Variants in CRCP observed in about 807,000 individuals in gnomAD.
The protein encoded by CRCP is CGRP receptor component.
CRCP carries 18 observed loss-of-function variants against 18.5 expected under a neutral mutation model. The ratio of observed to expected loss-of-function variants is 0.97; its 90% CI spans 0.67 to 1.44. The LOEUF (loss-of-function observed/expected upper bound fraction) is 1.44. Among genes scored for constraint, CRCP ranks in the 40% most tolerant of loss-of-function variants. CRCP has a pLI of 0.00. For missense variants in CRCP, 130 were observed against 176.4 expected (o/e 0.74, Z 1.49); for synonymous variants, 53 against 62.9 (o/e 0.84, Z 0.75).
At chr7:66,117,992 G>A (rs1381902955) in intron 1 of CRCP, among the ~76,000 whole-genome samples, 5 of 151,772 alleles carry the variant, frequency 3.3e-5, no homozygotes, top group Admixed American at 6.6e-5. Flanking sequence ...TTTTTAGTTC[G>A]CTTTTGAGAT....
chr7:66,148,343 G>A (rs1358157181), intron 5 of CRCP, among the ~76,000 whole-genome samples: 1 of 152,138 alleles, frequency 6.6e-6, no homozygotes, highest in Non-Finnish European at 1.5e-5. Context: ...CTCCAGCCTG[G>A]GCGACAAGAG....
At chr7:66,138,621 TAAAAAA>T (rs34807364) in intron 4 of CRCP, among the ~76,000 whole-genome samples, 5 of 93,416 alleles carry the variant, frequency 5.4e-5, no homozygotes, top group Admixed American at 1.3e-4. Flanking sequence ...TCGTCTCTAC[TAAAAAA>T]AAAAAAAAAA....
chr7:66,145,501 G>T lies in CRCP; in HGVS notation c.297+1G>T. On this transcript the variant is annotated splice_donor_variant, in intron 5 of 5. Coordinates refer to ENST00000395326, the MANE Select transcript of CRCP (RefSeq NM_014478.5). LOFTEE classifies it high-confidence loss of function. Reference sequence around the variant, plus strand: ...TGTGACTGCTGTGGAGATCCAGCTGGTGAGTGAAGGGCGCCTGTGCTGGGG... The same window carrying T: ...TGTGACTGCTGTGGAGATCCAGCTGTTGAGTGAAGGGCGCCTGTGCTGGGG... 1.9e-6 allele frequency: 3 copies of T among 1,613,996 alleles called. No individual in the cohort carries two copies. Among genetic ancestry groups the T allele is most frequent in the Non-Finnish European group, 2.5e-6 (3 of 1,179,900 alleles).
Position 66,146,262 on chromosome 7 carries a change from G to A in CRCP, c.297+762G>A, listed in dbSNP as rs151025095. On this transcript the variant is annotated intron_variant, in intron 5 of 5. Transcript: ENST00000395326. ...GTGAAGTCCGCTTTGTACTGAGAGC[G>A]TAGGCTTTGGAATAGGAGGAGGCAG... Among the ~76,000 whole-genome samples, 126 of 152,156 alleles carry A rather than the reference G, an allele frequency of 8.3e-4. 1 individual carries two copies. The South Asian group carries it at 0.012, about 14-fold the overall frequency.
intron 1 of CRCP, among the ~76,000 whole-genome samples, chr7:66,124,044 CAAAAAAAAAAAAAAA>C (rs57502731): frequency 6.7e-4 from 9 of 13,506 alleles, no homozygotes; most frequent in African/African-American, 9.4e-4. Context: ...GACTCCGTCT[CAAAAAAAAAAAAAAA>C]AAAAAAAAAA....
chr7:66,134,444 C>A (rs12538025), intron 4 of CRCP, 70 bp downstream of exon 4: 3 of 1,091,418 alleles, frequency 2.7e-6, no homozygotes, highest in East Asian at 2.4e-5. Context: ...TCGTAGCAAC[C>A]GTGTATTGAT....
At chr7:66,125,566 AAC>A (rs1436762670) in intron 1 of CRCP, among the ~76,000 whole-genome samples, 1 of 149,376 alleles carries the variant, frequency 6.7e-6, no homozygotes, top group African/African-American at 2.4e-5. Context: ...TTGATCCCAA[AAC>A]ACAGATTCAT....
chr7:66,121,123 G>A (rs1413057689), intron 1 of CRCP, among the ~76,000 whole-genome samples: 2 of 151,566 alleles, frequency 1.3e-5, no homozygotes, highest in Admixed American at 1.3e-4. Flanking sequence ...CACCCAGGCT[G>A]GAGTGCAATG....
At chr7:66,137,768 A>G (rs1209949774) in intron 4 of CRCP, among the ~76,000 whole-genome samples, 1 of 152,200 alleles carries the variant, frequency 6.6e-6, no homozygotes, top group East Asian at 1.9e-4. Context: ...TAGTAGGGTT[A>G]ATAATATGCA....
intron 2 of CRCP, among the ~76,000 whole-genome samples, chr7:66,129,109 G>T (rs192338187): frequency 2.2e-4 from 33 of 152,098 alleles, no homozygotes; most frequent in Non-Finnish European, 1.5e-5. Flanking sequence ...CGAGGCGGGC[G>T]GATCACGAGG....
chr7:66,124,115 A>G (rs1229772974), intron 1 of CRCP, among the ~76,000 whole-genome samples: 1 of 131,522 alleles, frequency 7.6e-6, no homozygotes, highest in African/African-American at 2.8e-5. Flanking sequence ...TAATCCCAGC[A>G]CTTTGGGAGG....
chr7:66,152,206 A>G lies in CRCP; in HGVS notation c.298-2A>G, dbSNP rs758552457. The G allele has an allele frequency of 2.5e-6, 4 of 1,613,980 alleles. No homozygotes were observed. The highest frequency in any genetic ancestry group is 3.4e-6 in the Non-Finnish European group (4 of 1,179,956). On this transcript the variant is annotated splice_acceptor_variant, in intron 5 of 5. Coordinates refer to ENST00000395326, the MANE Select transcript of CRCP (RefSeq NM_014478.5). LOFTEE classifies it high-confidence loss of function. ...CCTGGAGGATTTTCTTTCCTTCTGC[A>G]GATGGTGGAAGAGAGTGAAGAGCGG...
chr7:66,124,292 G>A (rs1051816622), intron 1 of CRCP, among the ~76,000 whole-genome samples: 14 of 151,100 alleles, frequency 9.3e-5, no homozygotes, highest in East Asian at 3.9e-4. Context: ...CCTGGGAGGC[G>A]GAGCTTGCAG....
intron 1 of CRCP, among the ~76,000 whole-genome samples, chr7:66,115,666 C>T (rs1168320280): frequency 6.6e-6 from 1 of 152,096 alleles, no homozygotes; most frequent in Non-Finnish European, 1.5e-5. Context: ...TGAATGTGGG[C>T]TTTATACGGT....
intron 4 of CRCP, among the ~76,000 whole-genome samples, chr7:66,136,469 A>T (rs1214054391): frequency 6.6e-6 from 1 of 152,076 alleles, no homozygotes; most frequent in African/African-American, 2.4e-5. Flanking sequence ...ACCTCAGGTG[A>T]TCCATCCACC....
chr7:66,150,642 G>A (rs1788430900), intron 5 of CRCP: 1 of 151,916 alleles, frequency 6.6e-6, no homozygotes, highest in African/African-American at 2.4e-5. Flanking sequence ...AAAGGGAGGT[G>A]GTCAGACTGG....
intron 4 of CRCP, among the ~76,000 whole-genome samples, chr7:66,141,376 T>C (rs1326466046): frequency 1.3e-5 from 2 of 151,746 alleles, no homozygotes; most frequent in East Asian, 1.9e-4. Context: ...TCGCCCACCC[T>C]GCTGCCCGTC....
At chr7:66,117,641 TC>T (rs750271976) in intron 1 of CRCP, among the ~76,000 whole-genome samples, 5 of 152,212 alleles carry the variant, frequency 3.3e-5, no homozygotes, top group Admixed American at 6.5e-5. Flanking sequence ...TGTTCACTCT[TC>T]CCCAGCCTCC....
intron 1 of CRCP, among the ~76,000 whole-genome samples, chr7:66,124,422 C>G (rs955837936): frequency 1.3e-5 from 2 of 152,124 alleles, no homozygotes; most frequent in African/African-American, 4.8e-5. Context: ...CTAGAGTCAC[C>G]ACTTGTTAAC....
Sources: gnomAD v4.1 joint callset for allele counts (sites outside exome capture counted in the v4.1 genomes callset) on GRCh38, gnomAD v4.1.1 for gene constraint, MANE v1.5 for transcripts, NCBI Gene and HGNC (gene_info 2026-07-23, HGNC 2026-07-21) for gene names.